USP48: variants seen among roughly 807,000 people sequenced by gnomAD.
USP48 encodes the protein ubiquitin carboxyl-terminal hydrolase 48.
In USP48, 43 loss-of-function variants were observed where a neutral mutation model predicts 150.7. That is an observed-to-expected ratio of 0.29 (90% confidence interval 0.22 to 0.37). The LOEUF (loss-of-function observed/expected upper bound fraction) is 0.37, where lower values mean the gene tolerates loss of function less well. Among genes scored for constraint, USP48 ranks in the 10% least tolerant of loss-of-function variants. USP48 has a pLI of 1.00. For synonymous variants in USP48, 396 were observed against 425.9 expected (o/e 0.93, Z 0.86); for missense variants, 813 against 1,249.6 (o/e 0.65, Z 5.27).
chr1:21,722,083 G>C (rs1412020480), intron 12 of USP48, among the ~76,000 whole-genome samples: 1 of 151,904 alleles, frequency 6.6e-6, no homozygotes, highest in Non-Finnish European at 1.5e-5. Flanking sequence ...TAAGGTGGGG[G>C]GGTTAAATAT....
chr1:21,709,375 T>C (rs906648895), intron 15 of USP48, among the ~76,000 whole-genome samples: 1 of 152,166 alleles, frequency 6.6e-6, no homozygotes, highest in Non-Finnish European at 1.5e-5. Flanking sequence ...TATGAAAACT[T>C]ATTCTAACGT....
chr1:21,783,068 C>T lies in USP48; in HGVS notation c.-111G>A. On this transcript the variant is annotated 5_prime_UTR_variant, in exon 1 of 27. Transcript: ENST00000308271. ...CTGCCAGCAAGGAGGACCTGGCGCTCCTTCAGGCAGCTGGCCAGTCAATCA... is the reference window on the plus strand; with the variant it reads ...CTGCCAGCAAGGAGGACCTGGCGCTTCTTCAGGCAGCTGGCCAGTCAATCA... 7.3e-7 allele frequency: 1 copy of T among 1,373,574 alleles called. No individual in the cohort carries two copies. The highest frequency in any genetic ancestry group is 1.6e-5 in the South Asian group (1 of 62,132). The allele number at this position is 1,373,574 out of a possible 1,614,324, so 85.1% of individuals were successfully genotyped here. A position where few individuals can be genotyped will look rare whatever the true frequency, so the allele number is the denominator to read the frequency against.
At position 21,763,604 on chromosome 1, in the gene USP48, G is replaced by A. The variant is rs533892621; in HGVS notation, c.135-5821C>T. On this transcript the variant is annotated intron_variant, in intron 1 of 26. Coordinates refer to ENST00000308271, the MANE Select transcript of USP48 (RefSeq NM_032236.8). ...CAAGGCGGGCAGATCACCTGAGGTCGGGAGTTCGAGACCAGCCTGGCTGAC... is the reference window on the plus strand; with the variant it reads ...CAAGGCGGGCAGATCACCTGAGGTCAGGAGTTCGAGACCAGCCTGGCTGAC... Among the ~76,000 whole-genome samples, 5 of 152,256 alleles carry A rather than the reference G, an allele frequency of 3.3e-5. No homozygotes were observed. In the East Asian group the frequency reaches 5.8e-4, roughly 18 times the overall value.
intron 1 of USP48, among the ~76,000 whole-genome samples, chr1:21,765,878 G>A (rs1348274173): frequency 2.5e-5 from 3 of 121,430 alleles, no homozygotes; most frequent in Non-Finnish European, 4.9e-5. Flanking sequence ...TCCGGCCTGG[G>A]CAACAAAGTG....
intron 19 of USP48, 146 bp from the exon 20 acceptor site, chr1:21,704,538 G>T (rs1382072584): frequency 1.1e-5 from 10 of 896,198 alleles, no homozygotes; most frequent in Admixed American, 3.6e-5. Flanking sequence ...CATCAACAAA[G>T]AATAGTTTTT....
At chr1:21,704,430 T>C (rs1454665756) in intron 19 of USP48, 38 bp from the exon 20 acceptor site, 5 of 1,563,682 alleles carry the variant, frequency 3.2e-6, no homozygotes, top group African/African-American at 1.4e-5. Context: ...TTAAGACACA[T>C]GGAAATTAAG....
intron 8 of USP48, among the ~76,000 whole-genome samples, chr1:21,744,380 G>A (rs1384836655): frequency 6.6e-6 from 1 of 151,844 alleles, no homozygotes; most frequent in Middle Eastern, 3.2e-3. Context: ...CCAGGAGGTG[G>A]AGGCTGCAGT....
chr1:21,745,418 TA>T (rs112976470), intron 8 of USP48, among the ~76,000 whole-genome samples: 12 of 150,410 alleles, frequency 8.0e-5, no homozygotes, highest in Admixed American at 4.0e-4. Context: ...ACCCCGTCTC[TA>T]AAAAAAAATA....
At chr1:21,715,696 G>A (rs532642667) in intron 14 of USP48, among the ~76,000 whole-genome samples, 1 of 152,254 alleles carries the variant, frequency 6.6e-6, no homozygotes, top group East Asian at 1.9e-4. Flanking sequence ...AAGAAAATGT[G>A]CTTTTTTAAA....
chr1:21,761,806 G>A (rs555951030), intron 1 of USP48, among the ~76,000 whole-genome samples: 3 of 152,204 alleles, frequency 2.0e-5, no homozygotes, highest in South Asian at 2.1e-4. Context: ...AAACAAGTTC[G>A]ACCAATTTAA....
intron 25 of USP48, among the ~76,000 whole-genome samples, chr1:21,685,329 CTTT>C (rs555922788): frequency 3.7e-5 from 5 of 136,366 alleles, no homozygotes; most frequent in African/African-American, 8.1e-5. Flanking sequence ...GCTTTCTTTT[CTTT>C]TTTTTTTTTT....
chr1:21,731,336 G>A (rs2097756311), intron 9 of USP48, among the ~76,000 whole-genome samples: 1 of 151,666 alleles, frequency 6.6e-6, no homozygotes, highest in African/African-American at 2.4e-5. Flanking sequence ...CGATCTCAGT[G>A]TACTGCAATC....
chr1:21,780,630 A>G (rs1289656394), intron 1 of USP48, among the ~76,000 whole-genome samples: 1 of 152,178 alleles, frequency 6.6e-6, no homozygotes, highest in African/African-American at 2.4e-5. Context: ...AAGTAAAGGA[A>G]ATCAGTCACA....
Position 21,706,175 on chromosome 1 carries a change from G to C in USP48, c.2224C>G (p.Leu742Val). 1.2e-6 allele frequency: 2 copies of C among 1,613,730 alleles called. No homozygotes were observed. The highest frequency in any genetic ancestry group is 1.7e-5 in the Admixed American group (1 of 59,922). ...ACAAAGAACTGAGACACGATGTAGA[G>C]GACATCCGTATCCTAGAACACAAAA... The part of the protein sequence containing the change: ...LSNWPEDTDV[L>V]YIVSQFFVEE... Residue 742 changes from leucine to valine, a missense_variant, in exon 18 of 27, where the codon CTC becomes GTC. Physicochemically the swap from Leu to Val is conservative, Grantham distance 32. Coordinates refer to ENST00000308271, the MANE Select transcript of USP48 (RefSeq NM_032236.8).
intron 15 of USP48, among the ~76,000 whole-genome samples, chr1:21,708,475 G>A (rs2097679767): frequency 6.6e-6 from 1 of 152,092 alleles, no homozygotes; most frequent in South Asian, 2.1e-4. Flanking sequence ...TCCAGCCTGG[G>A]CGAGGAGCAA....
At chr1:21,756,443 T>G in intron 3 of USP48, 103 bp downstream of exon 3, 1 of 1,364,126 alleles carries the variant, frequency 7.3e-7, no homozygotes, top group Admixed American at 2.6e-5. Flanking sequence ...ATGGCGCCAC[T>G]TCACTCTGGC....
chr1:21,759,498 G>A (rs1175903968), intron 1 of USP48, among the ~76,000 whole-genome samples: 2 of 152,100 alleles, frequency 1.3e-5, no homozygotes, highest in Admixed American at 6.6e-5. Context: ...AAAGAATCCC[G>A]TGCTCCTTGG....
In USP48 at chr1:21,752,464, A is replaced by G; in HGVS notation, c.665+63T>C. The G allele has an allele frequency of 6.3e-6, 10 of 1,578,152 alleles. 1 individual carries two copies. In the South Asian group the frequency reaches 1.1e-4, roughly 17 times the overall value. On this transcript the variant is annotated intron_variant, in intron 5 of 26. Coordinates refer to ENST00000308271, the MANE Select transcript of USP48 (RefSeq NM_032236.8). ...ACAACCTGGAACTGCACTGAAAAAT[A>G]GTTAACATATGAGCAACTGTCTTAG...
In USP48 at chr1:21,706,873, GT is replaced by G. The variant is rs1188609458; in HGVS notation, c.1964-6del. The G allele has an allele frequency of 6.4e-7, 1 of 1,566,034 alleles. No individual in the cohort carries two copies. Among genetic ancestry groups the G allele is most frequent in the Non-Finnish European group, 8.6e-7 (1 of 1,159,562 alleles). On this transcript the variant is annotated splice_polypyrimidine_tract_variant and splice_region_variant and intron_variant, in intron 15 of 26. Transcript: ENST00000308271. Reference sequence around the variant, plus strand: ...TTTCAGATATGCATAACTCACCTGAGTTTAAAAAAATATATTTGGAAAAAAA... The same window carrying G: ...TTTCAGATATGCATAACTCACCTGAGTTAAAAAAATATATTTGGAAAAAAA...
Sources: allele counts gnomAD v4.1 joint callset (sites outside exome capture counted in the v4.1 genomes callset), GRCh38; gene constraint gnomAD v4.1.1; transcripts MANE v1.5; gene names NCBI Gene and HGNC (gene_info 2026-07-23, HGNC 2026-07-21).